Variants in POGZ observed in about 807,000 individuals in gnomAD.
The protein encoded by POGZ is pogo transposable element derived with ZNF domain.
POGZ carries 17 observed loss-of-function variants against 134.6 expected under a neutral mutation model. The ratio of observed to expected loss-of-function variants is 0.13; its 90% CI spans 0.09 to 0.19. The LOEUF (loss-of-function observed/expected upper bound fraction) is 0.19. Ranked by LOEUF, POGZ falls within the 10% of genes least tolerant of loss-of-function variation. The pLI, the probability that POGZ is intolerant of heterozygous loss-of-function variation, is 1.00. For missense variants in POGZ, 1,306 were observed against 1,769.7 expected (o/e 0.74, Z 4.70); for synonymous variants, 693 against 657.1 (o/e 1.05, Z -0.84).
At chr1:151,443,756 T>TA (rs1660893060) in intron 1 of POGZ, among the ~76,000 whole-genome samples, 1 of 152,114 alleles carries the variant, frequency 6.6e-6, no homozygotes, top group African/African-American at 2.4e-5. Flanking sequence ...ATAAAGTCTG[T>TA]ATCTCTGCAT....
intron 1 of POGZ, among the ~76,000 whole-genome samples, chr1:151,446,046 C>CT (rs573169016): frequency 0.64 from 79,606 of 123,862 alleles, 28,284 homozygotes; most frequent in Non-Finnish European, 0.82. Flanking sequence ...CGTCTTTCAA[C>CT]TTTTTTTTTT....
chr1:151,428,241 CTGGGACTGGGACTGT>C lies in POGZ; in HGVS notation c.726_740del (p.Ser244_Gln248del). 6.2e-7 allele frequency: 1 copy of C among 1,614,032 alleles called. No individual in the cohort carries two copies. Among genetic ancestry groups the C allele is most frequent in the Non-Finnish European group, 8.5e-7 (1 of 1,179,956 alleles). On this transcript the variant is annotated inframe_deletion, in exon 6 of 19. Coordinates refer to ENST00000271715, the MANE Select transcript of POGZ (RefSeq NM_015100.4). ...AAGTGCTGGGAGTGGACTTGGTCTG[CTGGGACTGGGACTGT>C]GGGACGGTGCTTCGAATGGTAAGAG...
Position 151,405,978 on chromosome 1 carries a change from C to T in POGZ, c.3057G>A (p.Glu1019=), listed in dbSNP as rs751499476. ...RFQASQGENL[E]GKYLSFEAEE... ...CTGCCTCAAAGCTCAGATATTTGCC[C>T]TCTAGATTCTCCCCCTGGGAGGCCT... is the stretch of plus-strand genomic sequence containing the variant. Residue 1019 remains glutamate (E), a synonymous_variant, in exon 19 of 19, where the codon GAG becomes GAA. Coordinates refer to ENST00000271715, the MANE Select transcript of POGZ (RefSeq NM_015100.4). The surrounding 1 kb of genome is among the most constrained non-coding windows in gnomAD (Gnocchi z 4.9). The T allele has an allele frequency of 2.5e-6, 4 of 1,614,232 alleles. No homozygotes were observed. In the South Asian group the frequency reaches 4.4e-5, roughly 18 times the overall value.
chr1:151,435,733 G>T (rs1230617049), intron 3 of POGZ, among the ~76,000 whole-genome samples: 1 of 151,866 alleles, frequency 6.6e-6, no homozygotes, highest in African/African-American at 2.4e-5. Flanking sequence ...GACCTCAAAT[G>T]TTCTGCTCAC....
chr1:151,405,661 A>G lies in POGZ; in HGVS notation c.3374T>C (p.Ile1125Thr), dbSNP rs1233948167. The stretch of plus-strand genomic sequence containing the variant: ...ATCCAGGAACAAAGAGATCTCATCA[A>G]TAGCCACAATCATAGACAAGGGTAA... ...QDLPLSMIVA[I>T]DEISLFLDTE... is the part of the protein sequence containing the mutation. Residue 1125 changes from isoleucine (I) to threonine (T), a missense_variant, in exon 19 of 19, where the codon ATT (isoleucine) becomes ACT (threonine). Coordinates refer to ENST00000271715, the MANE Select transcript of POGZ (RefSeq NM_015100.4). The surrounding 1 kb of genome is among the most constrained non-coding windows in gnomAD (Gnocchi z 4.9). 1.9e-6 allele frequency: 3 copies of G among 1,614,112 alleles called. No individual in the cohort carries two copies. Among genetic ancestry groups the G allele is most frequent in the African/African-American group, 1.3e-5 (1 of 74,942 alleles).
chr1:151,415,670 C>CA (rs749459920), intron 10 of POGZ, among the ~76,000 whole-genome samples: 3,618 of 53,416 alleles, frequency 0.068, 208 homozygotes, highest in African/African-American at 0.15. Flanking sequence ...GACTCCGTCT[C>CA]AAAAAAAAAA....
Position 151,406,362 on chromosome 1 carries a change from C to T in POGZ, c.2673G>A (p.Gly891=), listed in dbSNP as rs1360799624. ...GCTCTTCAGGCTCAGCTGGGGTGGC[C>T]CCCGCAGATTTCACAGTGGCAGCTT... is the stretch of plus-strand genomic sequence containing the variant. ...TNKAATVKSA[G]ATPAEPEELL... The change falls in exon 19 of 19, where the codon GGG becomes GGA. Residue 891 remains glycine (G), a synonymous_variant. Coordinates refer to ENST00000271715, the MANE Select transcript of POGZ (RefSeq NM_015100.4). 8 of 1,592,982 alleles carry T rather than the reference C, an allele frequency of 5.0e-6. No homozygotes were observed. The highest frequency in any genetic ancestry group is 1.4e-5 in the African/African-American group (1 of 74,048).
At chr1:151,441,352 T>C (rs1557936517) in intron 2 of POGZ, among the ~76,000 whole-genome samples, 3 of 152,312 alleles carry the variant, frequency 2.0e-5, no homozygotes, top group Non-Finnish European at 2.9e-5. Context: ...TTTGCTTACA[T>C]AGCACTAGCA....
At chr1:151,435,825 A>C (rs1659481790) in intron 3 of POGZ, among the ~76,000 whole-genome samples, 1 of 151,996 alleles carries the variant, frequency 6.6e-6, no homozygotes. Flanking sequence ...AACACACACA[A>C]AAAACCAAAC....
chr1:151,428,024 G>A lies in POGZ; in HGVS notation c.877C>T (p.Pro293Ser), dbSNP rs1401218931. Residue 293 changes from proline to serine, a missense_variant, in exon 7 of 19, where the codon CCA becomes TCA. Pro to Ser is a moderately conservative substitution (Grantham distance 74). Coordinates refer to ENST00000271715, the MANE Select transcript of POGZ (RefSeq NM_015100.4). ...AAGCTGGCAATGCTCACTGCAGGTG[G>A]AGAGGGGAAGGAGGGAGCTACGGTG... ...NPKLAPSFPS[P>S]PAVSIASFVT... is the part of the protein sequence containing the mutation. 1.2e-6 allele frequency: 2 copies of A among 1,614,218 alleles called. No homozygotes were observed. The highest frequency in any genetic ancestry group is 1.7e-6 in the Non-Finnish European group (2 of 1,180,034).
intron 10 of POGZ, among the ~76,000 whole-genome samples, chr1:151,422,472 A>G (rs1043674305): frequency 6.6e-6 from 1 of 152,188 alleles, no homozygotes; most frequent in African/African-American, 2.4e-5. Context: ...AAATGACTCA[A>G]TTTCTTTGAG....
chr1:151,439,179 A>ACT (rs1660115524), intron 3 of POGZ: 1 of 152,228 alleles, frequency 6.6e-6, no homozygotes. Context: ...AATACAGTTT[A>ACT]GTCACTTAGC....
chr1:151,432,624 C>T (rs1224638154), intron 3 of POGZ, among the ~76,000 whole-genome samples: 1 of 152,084 alleles, frequency 6.6e-6, no homozygotes, highest in Non-Finnish European at 1.5e-5. Flanking sequence ...CCTATGCAAC[C>T]ACCACCCTGC....
At chr1:151,439,734 CACA>C (rs1660217896) in intron 3 of POGZ, among the ~76,000 whole-genome samples, 1 of 152,130 alleles carries the variant, frequency 6.6e-6, no homozygotes, top group Non-Finnish European at 1.5e-5. Flanking sequence ...TATAAACTGA[CACA>C]ACATTTCTAG....
chr1:151,427,039 G>A (rs1657902172), intron 7 of POGZ: 1 of 151,790 alleles, frequency 6.6e-6, no homozygotes, highest in Non-Finnish European at 1.5e-5. Context: ...TGAGTAGCGA[G>A]GACTGCAGAC....
chr1:151,442,070 GC>G lies in POGZ; in HGVS notation c.124+10del, dbSNP rs1329038782. 2 of 1,578,128 alleles carry G rather than the reference GC, an allele frequency of 1.3e-6. No homozygotes were observed. The highest frequency in any genetic ancestry group is 3.4e-5 in the Admixed American group (2 of 59,304). ...ATTTAAACCATCTAAGATCAGAAGA[GC>G]TTTTGTTACCTGTGGTAGTTTTATC... On this transcript the variant is annotated intron_variant, in intron 2 of 18. Coordinates refer to ENST00000271715, the MANE Select transcript of POGZ (RefSeq NM_015100.4).
chr1:151,405,794 G>A lies in POGZ; in HGVS notation c.3241C>T (p.Leu1081=). The A allele has an allele frequency of 6.2e-7, 1 of 1,614,216 alleles. No homozygotes were observed. The highest frequency in any genetic ancestry group is 8.5e-7 in the Non-Finnish European group (1 of 1,180,034). ...WAVRFMLRHH[L]TPHARRAVAH... is the part of the protein sequence containing the mutation. Reference sequence around the variant, plus strand: ...ACAGCTCGCCGGGCATGGGGAGTCAGGTGGTGCCGCAGCATGAAACGCACA... The same window carrying A: ...ACAGCTCGCCGGGCATGGGGAGTCAAGTGGTGCCGCAGCATGAAACGCACA... Residue 1081 remains leucine (L), a synonymous_variant, in exon 19 of 19, where the codon CTG becomes TTG. Coordinates refer to ENST00000271715, the MANE Select transcript of POGZ (RefSeq NM_015100.4). The surrounding 1 kb of genome is among the most constrained non-coding windows in gnomAD (Gnocchi z 4.9).
intron 1 of POGZ, among the ~76,000 whole-genome samples, chr1:151,444,049 G>A (rs770734188): frequency 2.0e-5 from 3 of 152,158 alleles, no homozygotes; most frequent in Admixed American, 6.5e-5. Context: ...GCATTGTTTC[G>A]CTTGAAAATT....
chr1:151,404,207 C>A lies in POGZ; in HGVS notation c.*595G>T. On this transcript the variant is annotated 3_prime_UTR_variant, in exon 19 of 19. Transcript: ENST00000271715. ...AGAAAAGGAGAAGGAAGAGAGAGTT[C>A]AGTGGGACTTTTTTTCCATTTTCAT... 2 of 985,648 alleles carry A rather than the reference C, an allele frequency of 2.0e-6. No homozygotes were observed. The highest frequency in any genetic ancestry group is 2.4e-6 in the Non-Finnish European group (2 of 829,808). 61.1% of individuals were successfully genotyped at this position (985,648 alleles called of 1,614,324 possible). A position where few individuals can be genotyped will look rare whatever the true frequency, so the allele number is the denominator to read the frequency against.
Sources: allele counts gnomAD v4.1 joint callset (sites outside exome capture counted in the v4.1 genomes callset), GRCh38; gene constraint gnomAD v4.1.1; non-coding constraint Gnocchi (gnomAD v3.1); transcripts MANE v1.5; gene names NCBI Gene and HGNC (gene_info 2026-07-23, HGNC 2026-07-21).